The following PDE10A variants were observed in gnomAD, a reference collection of about 807,000 sequenced individuals.
PDE10A encodes phosphodiesterase 10A.
Under a neutral mutation model 97.7 loss-of-function variants are expected in PDE10A, and 39 were observed. The observed-to-expected ratio is 0.40, with a 90% CI of 0.31 to 0.52. The LOEUF is 0.52. PDE10A is among the 20% of genes least tolerant of loss of function. The pLI is 0.56. For missense variants in PDE10A, 731 were observed against 1,047.8 expected, an observed-to-expected ratio of 0.70 and a Z score of 4.17; for synonymous variants, 371 against 376.8, an observed-to-expected ratio of 0.98 and a Z score of 0.18.
intron 1 of PDE10A, among the ~76,000 whole-genome samples, chr6:165,822,823 T>C (rs1267410901): frequency 6.6e-6 from 1 of 152,114 alleles, no homozygotes; most frequent in Non-Finnish European, 1.5e-5. Flanking sequence ...TAGCTTACTG[T>C]GTAACTTTTT....
chr6:165,503,407 GATGGGAGTTATTCTGGCA>G (rs1781012503), intron 2 of PDE10A, among the ~76,000 whole-genome samples: 1 of 152,202 alleles, frequency 6.6e-6, no homozygotes, highest in South Asian at 2.1e-4. Flanking sequence ...CACAGGGAAT[GATGGGAGTTATTCTGGCA>G]ATAGGGAGTT....
chr6:165,946,981 C>T (rs973812853), intron 1 of PDE10A: 31 of 152,156 alleles, frequency 2.0e-4, no homozygotes, highest in African/African-American at 5.8e-4. Flanking sequence ...ATCTAGTCCA[C>T]GTTCAAATTT....
chr6:165,737,640 C>G (rs1254664962), intron 1 of PDE10A, among the ~76,000 whole-genome samples: 2 of 152,220 alleles, frequency 1.3e-5, no homozygotes, highest in African/African-American at 4.8e-5. Flanking sequence ...TAAAAGCTCT[C>G]AACAAGGTGG....
intron 1 of PDE10A, among the ~76,000 whole-genome samples, chr6:165,971,084 G>T (rs1329408019): frequency 6.6e-6 from 1 of 151,952 alleles, no homozygotes; most frequent in African/African-American, 2.4e-5. Flanking sequence ...GGAGGCAGAG[G>T]TTGCAGTGAG....
chr6:165,352,407 C>G (rs1177405246), intron 18 of PDE10A, among the ~76,000 whole-genome samples: 1 of 152,168 alleles, frequency 6.6e-6, no homozygotes, highest in Non-Finnish European at 1.5e-5. Context: ...AGGCCACTGA[C>G]TGTCATCCAT....
chr6:165,952,854 A>G (rs2128495529), intron 1 of PDE10A, among the ~76,000 whole-genome samples: 1 of 51,070 alleles, frequency 2.0e-5, no homozygotes, highest in East Asian at 1.2e-3. Context: ...TTATTTTTAT[A>G]AGAGAAAAAA....
intron 1 of PDE10A, among the ~76,000 whole-genome samples, chr6:165,962,258 G>C (rs927155108): frequency 6.6e-6 from 1 of 152,292 alleles, no homozygotes; most frequent in South Asian, 2.1e-4. Context: ...AGACCTCAGG[G>C]GCCCCACTAC....
chr6:165,984,993 A>G (rs1033659528), intron 1 of PDE10A, among the ~76,000 whole-genome samples: 2 of 152,224 alleles, frequency 1.3e-5, no homozygotes, highest in Non-Finnish European at 2.9e-5. Flanking sequence ...TGTGACGTCA[A>G]AGGAGAAGAG....
chr6:165,587,639 G>A (rs912419201), intron 1 of PDE10A, among the ~76,000 whole-genome samples: 4 of 144,262 alleles, frequency 2.8e-5, no homozygotes, highest in Non-Finnish European at 6.1e-5. Flanking sequence ...ATATTTGGGG[G>A]ATTTCTCTAA....
chr6:165,753,788 T>A (rs1583040112), intron 1 of PDE10A, among the ~76,000 whole-genome samples: 1 of 152,216 alleles, frequency 6.6e-6, no homozygotes, highest in Non-Finnish European at 1.5e-5. Context: ...ATGCTAATGG[T>A]TACACACATT....
intron 1 of PDE10A, among the ~76,000 whole-genome samples, chr6:165,552,147 T>C (rs1490664198): frequency 1.3e-5 from 2 of 152,166 alleles, no homozygotes; most frequent in East Asian, 1.9e-4. Flanking sequence ...CCTCCTACAC[T>C]TCAAGACAGT....
At chr6:165,609,881 A>G (rs1333743537) in intron 1 of PDE10A, among the ~76,000 whole-genome samples, 1 of 152,208 alleles carries the variant, frequency 6.6e-6, no homozygotes, top group Non-Finnish European at 1.5e-5. Flanking sequence ...ATGGAAGAAC[A>G]TTCCATGCTC....
rs148421822 is a variant in PDE10A at position 165,971,192 on chromosome 6, A to G, written c.-615+16337T>C. Among the ~76,000 whole-genome samples the G allele has an allele frequency of 3.5e-3, 526 of 152,278 alleles. 2 individuals are homozygous for G. Among genetic ancestry groups the G allele is most frequent in the African/African-American group, 0.012 (481 of 41,572 alleles). On this transcript the variant is annotated intron_variant, in intron 1 of 19. Transcript: ENST00000366882. The stretch of plus-strand genomic sequence containing the variant: ...CTTTTTGAACCTAGTAGAAATCGCT[A>G]TAAAGAAATCACTGTTAAATTTTTT...
intron 5 of PDE10A, among the ~76,000 whole-genome samples, chr6:165,440,744 C>A (rs1010373176): frequency 6.6e-6 from 1 of 151,924 alleles, no homozygotes; most frequent in Non-Finnish European, 1.5e-5. Context: ...AATAACAAAA[C>A]AACTGTTTAA....
intron 1 of PDE10A, among the ~76,000 whole-genome samples, chr6:165,891,356 C>T (rs1380905775): frequency 6.6e-6 from 1 of 152,142 alleles, no homozygotes; most frequent in Non-Finnish European, 1.5e-5. Flanking sequence ...CGTTCTTTGT[C>T]ACTCAGCCCT....
At chr6:165,922,455 T>C (rs1269231049) in intron 1 of PDE10A, among the ~76,000 whole-genome samples, 1 of 152,226 alleles carries the variant, frequency 6.6e-6, no homozygotes, top group Non-Finnish European at 1.5e-5. Context: ...AGGTTACATG[T>C]CTGAAAGTTA....
At chr6:165,789,287 T>C (rs2128463199) in intron 1 of PDE10A, among the ~76,000 whole-genome samples, 1 of 152,374 alleles carries the variant, frequency 6.6e-6, no homozygotes, top group East Asian at 1.9e-4. Flanking sequence ...AAAAATGTAG[T>C]CAGATTTGTA....
At chr6:165,524,862 G>A (rs1456084259) in intron 2 of PDE10A, among the ~76,000 whole-genome samples, 1 of 152,198 alleles carries the variant, frequency 6.6e-6, no homozygotes, top group African/African-American at 2.4e-5. Flanking sequence ...GGACCCTGAT[G>A]AAGCTGGGGA....
chr6:165,562,915 A>G (rs1583546714), intron 1 of PDE10A, among the ~76,000 whole-genome samples: 1 of 152,060 alleles, frequency 6.6e-6, no homozygotes, highest in East Asian at 1.9e-4. Flanking sequence ...TCTAGTGCGT[A>G]GAAGCCGGCG....
Sources: gnomAD v4.1 joint callset for allele counts (sites outside exome capture counted in the v4.1 genomes callset) on GRCh38, gnomAD v4.1.1 for gene constraint, MANE v1.5 for transcripts, NCBI Gene and HGNC (gene_info 2026-07-23, HGNC 2026-07-21) for gene names.